The following JMJD1C variants were observed in gnomAD, a reference collection of about 807,000 sequenced individuals.
JMJD1C encodes jumonji domain-containing protein 1C.
JMJD1C carries 31 observed loss-of-function variants against 245.3 expected under a neutral mutation model. The observed-to-expected ratio is 0.13, with a 90% CI of 0.09 to 0.17. The LOEUF (loss-of-function observed/expected upper bound fraction) is 0.17, where lower values mean the gene tolerates loss of function less well. Among genes scored for constraint, JMJD1C ranks in the 10% least tolerant of loss-of-function variants. JMJD1C has a pLI of 1.00. For missense variants in JMJD1C, 2,691 were observed against 3,000.2 expected, an observed-to-expected ratio of 0.90 and a Z score of 2.41; for synonymous variants, 1,057 against 1,017.4, an observed-to-expected ratio of 1.04 and a Z score of -0.74.
At chr10:63,389,301 G>C (rs1210514567) in intron 1 of JMJD1C, among the ~76,000 whole-genome samples, 1 of 113,380 alleles carries the variant, frequency 8.8e-6, no homozygotes, top group Non-Finnish European at 1.7e-5. Context: ...GACAAAGTGA[G>C]ACCCTGTCTC....
In JMJD1C at chr10:63,380,459, A is replaced by G; in HGVS notation, c.192T>C (p.Leu64=). Residue 64 remains leucine, a synonymous_variant, in exon 2 of 26, where the codon CTT becomes CTC. Transcript: ENST00000399262. ...TAACCCACTCTCGTTTATCCCATTC[A>G]AGATCATCAAATTCCACATACACCT... ...DLAVYVEFDD[L]EWDKREWVKV... The G allele has an allele frequency of 6.2e-7, 1 of 1,613,016 alleles. No individual in the cohort carries two copies. Among genetic ancestry groups the G allele is most frequent in the Non-Finnish European group, 8.5e-7 (1 of 1,179,620 alleles).
In JMJD1C at chr10:63,507,644, C is replaced by CAAAA. The variant is rs34738955; in HGVS notation, n.113+14090_113+14093dup. ...TGGGCAACAGAGTAAGACTCTGTCT[C>CAAAA]AAAAAAAAAAAAAAAAAAACAGTGG... On this transcript the variant is annotated intron_variant and non_coding_transcript_variant, in intron 1 of 3. Coordinates refer to the JMJD1C transcript ENST00000633035. Among the ~76,000 whole-genome samples, 34 of 58,758 alleles carry CAAAA rather than the reference C, an allele frequency of 5.8e-4. 1 individual carries two copies. Among genetic ancestry groups the CAAAA allele is most frequent in the African/African-American group, 2.5e-3 (26 of 10,332 alleles). 38.5% of individuals were successfully genotyped at this position (58,758 alleles called of 152,430 possible).
chr10:63,444,018 G>A (rs1052041332), intron 1 of JMJD1C, among the ~76,000 whole-genome samples: 11 of 152,216 alleles, frequency 7.2e-5, no homozygotes, highest in Middle Eastern at 3.4e-3. Context: ...TCTTGAGAAC[G>A]GGTTTACTTC....
chr10:63,233,090 ACT>A (rs760742312), intron 3 of JMJD1C, among the ~76,000 whole-genome samples: 15 of 152,134 alleles, frequency 9.9e-5, no homozygotes, highest in Non-Finnish European at 1.3e-4. Context: ...TAGAAAAGTG[ACT>A]CTGACCTGAA....
intron 2 of JMJD1C, among the ~76,000 whole-genome samples, chr10:63,320,600 A>G (rs1940732428): frequency 6.6e-6 from 1 of 152,094 alleles, no homozygotes; most frequent in Admixed American, 6.5e-5. Context: ...TAGCTTCACT[A>G]TTTTTTCACA....
rs1430624220 is a variant in JMJD1C, at chr10:63,389,932, CA to C, written c.169-9451del. On this transcript the variant is annotated intron_variant, in intron 1 of 25. Coordinates refer to ENST00000399262, the MANE Select transcript of JMJD1C (RefSeq NM_032776.3). ...GAAGTTCATAATTAATACCTATAAC[CA>C]AAAAGTAACAGAATTTCAAATACAG... 4.6e-5 allele frequency among the ~76,000 whole-genome samples: 7 copies of C among 151,990 alleles called. No individual in the cohort carries two copies. The South Asian group carries it at 1.5e-3, about 32-fold the overall frequency.
At position 63,297,302 on chromosome 10, in the gene JMJD1C, C is replaced by T. The variant is rs543448214; in HGVS notation, c.334-32538G>A. Reference sequence around the variant, plus strand: ...TGCTTTTTCCAGGCCCACCCATGGACCAGTCAGCATGCACTTCCTCCATTC... The same window carrying T: ...TGCTTTTTCCAGGCCCACCCATGGATCAGTCAGCATGCACTTCCTCCATTC... On this transcript the variant is annotated intron_variant, in intron 2 of 25. Transcript: ENST00000399262. Among the ~76,000 whole-genome samples, 6 of 152,236 alleles carry T rather than the reference C, an allele frequency of 3.9e-5. No individual in the cohort carries two copies. The East Asian group carries it at 1.2e-3, about 29-fold the overall frequency.
At chr10:63,242,516 G>A (rs1414735890) in intron 3 of JMJD1C, among the ~76,000 whole-genome samples, 2 of 152,160 alleles carry the variant, frequency 1.3e-5, no homozygotes, top group Non-Finnish European at 2.9e-5. Context: ...GAGGTCAGGA[G>A]TCTGACACCA....
At chr10:63,301,908 C>T in intron 2 of JMJD1C, 1 of 284,682 alleles carries the variant, frequency 3.5e-6, no homozygotes, top group South Asian at 2.9e-5. Flanking sequence ...AAAAAACTTA[C>T]TATGACGTGG....
At chr10:63,212,326 T>G (rs1163941784) in intron 8 of JMJD1C, among the ~76,000 whole-genome samples, 1 of 152,176 alleles carries the variant, frequency 6.6e-6, no homozygotes, top group Non-Finnish European at 1.5e-5. Context: ...ATGTATGTGT[T>G]TTTTAACCAC....
At chr10:63,502,768 TTTTTA>T (rs773108837) in intron 1 of JMJD1C, among the ~76,000 whole-genome samples, 5 of 152,176 alleles carry the variant, frequency 3.3e-5, no homozygotes, top group Admixed American at 6.6e-5. Context: ...GAATCAATTA[TTTTTA>T]TTTTATTTTT....
intron 2 of JMJD1C, among the ~76,000 whole-genome samples, chr10:63,294,611 T>C (rs1013343082): frequency 2.6e-5 from 4 of 152,302 alleles, no homozygotes; most frequent in East Asian, 1.9e-4. Flanking sequence ...AGTTCAAACA[T>C]AGCCTTGTCT....
At chr10:63,212,512 G>C (rs1847483525) in intron 8 of JMJD1C, among the ~76,000 whole-genome samples, 1 of 152,068 alleles carries the variant, frequency 6.6e-6, no homozygotes, top group South Asian at 2.1e-4. Context: ...ATTTGCTATA[G>C]AAACTACATG....
intron 2 of JMJD1C, among the ~76,000 whole-genome samples, chr10:63,354,496 T>C (rs1046171083): frequency 6.6e-5 from 10 of 152,118 alleles, no homozygotes; most frequent in African/African-American, 2.4e-4. Context: ...CTCTCTGGAT[T>C]TAACAATCTT....
At chr10:63,451,719 C>T (rs1191957774) in intron 1 of JMJD1C, among the ~76,000 whole-genome samples, 1 of 152,126 alleles carries the variant, frequency 6.6e-6, no homozygotes, top group Non-Finnish European at 1.5e-5. Context: ...TTTGGGGGCT[C>T]TAATCAATCC....
intron 2 of JMJD1C, among the ~76,000 whole-genome samples, chr10:63,319,515 A>T (rs1436401444): frequency 6.6e-6 from 1 of 151,208 alleles, no homozygotes; most frequent in Non-Finnish European, 1.5e-5. Context: ...TTTCTCTCTC[A>T]CTTTAATTCT....
At chr10:63,468,541 C>T (rs1953389843), upstream of JMJD1C, among the ~76,000 whole-genome samples, 1 of 152,044 alleles carries the variant, frequency 6.6e-6, no homozygotes, top group Non-Finnish European at 1.5e-5. Context: ...CATAAAGATA[C>T]TCGGAAACAG....
At chr10:63,353,779 T>C (rs1374286616) in intron 2 of JMJD1C, among the ~76,000 whole-genome samples, 1 of 152,086 alleles carries the variant, frequency 6.6e-6, no homozygotes, top group African/African-American at 2.4e-5. Context: ...GCGCTGGGAT[T>C]ACAGGTGTGA....
intron 2 of JMJD1C, among the ~76,000 whole-genome samples, chr10:63,350,982 T>C (rs1048108482): frequency 6.6e-6 from 1 of 152,066 alleles, no homozygotes; most frequent in African/African-American, 2.4e-5. Flanking sequence ...ACTAGATATG[T>C]AAGCAATCAT....
Sources: gnomAD v4.1 joint callset for allele counts (sites outside exome capture counted in the v4.1 genomes callset) on GRCh38, gnomAD v4.1.1 for gene constraint, MANE v1.5 for transcripts, NCBI Gene and HGNC (gene_info 2026-07-23, HGNC 2026-07-21) for gene names.